Variants in SCYGR1 observed in about 807,000 individuals in gnomAD.
SCYGR1 encodes small cysteine and glycine repeat-containing protein 1.
chr2:227,387,817 G>A lies in SCYGR1; in HGVS notation c.133C>T (p.Arg45Cys), dbSNP rs543057195. The change falls in exon 1 of 1, where the codon CGT becomes TGT. Residue 45 changes from arginine to cysteine, a missense_variant. Transcript: ENST00000641359. ...CTGCAGCAGCCTCCACAGCAGCCACGGCAGCAGGGGCAGCAGCTGGAGCAG... is the reference window on the plus strand; with the variant it reads ...CTGCAGCAGCCTCCACAGCAGCCACAGCAGCAGGGGCAGCAGCTGGAGCAG... 34 of 399,240 alleles carry A rather than the reference G, an allele frequency of 8.5e-5. No individual in the cohort carries two copies. In the East Asian group the frequency reaches 9.3e-4, roughly 11 times the overall value. The allele number at this position is 399,240 out of a possible 1,614,324, so 24.7% of individuals were successfully genotyped here. A position where few individuals can be genotyped will look rare whatever the true frequency, so the allele number is the denominator to read the frequency against.
rs1422208669 is a variant in SCYGR1, at chr2:227,387,914, A to ACCG, written c.35_36insCGG (p.Gly14dup). The stretch of plus-strand genomic sequence containing the variant: ...CACCACAGCCACCACCGCAGCCACC[A>ACCG]CAGCCACCACAACCTCCACAACCAC... On this transcript the variant is annotated inframe_insertion, in exon 1 of 1. Transcript: ENST00000641359. 444 of 323,598 alleles carry ACCG rather than the reference A, an allele frequency of 1.4e-3. 2 individuals carry two copies. The highest frequency in any genetic ancestry group is 0.012 in the African/African-American group (375 of 31,534). The allele number at this position is 323,598 out of a possible 1,614,324, so 20.0% of individuals were successfully genotyped here. A position where few individuals can be genotyped will look rare whatever the true frequency, so the allele number is the denominator to read the frequency against.
At chr2:227,387,870 G>A (rs2076508966) in exon 1 of SCYGR1, 2 of 376,220 alleles carry the variant, frequency 5.3e-6, no homozygotes, top group African/African-American at 2.1e-5. Flanking sequence ...CCTGCAGGTG[G>A]TGCATCTGCC....
exon 1 of SCYGR1, chr2:227,387,853 G>A (rs900739214): frequency 2.0e-5 from 8 of 396,078 alleles, no homozygotes; most frequent in Admixed American, 9.1e-5. Flanking sequence ...CAGCCCACCC[G>A]GTAGCACCTG....
exon 1 of SCYGR1, chr2:227,387,930 C>T (rs1054739145): frequency 2.5e-6 from 1 of 402,468 alleles, no homozygotes. Flanking sequence ...ACCACAACCT[C>T]CACAACCACA....
chr2:227,387,949 T>C (rs1159430421), exon 1 of SCYGR1: 1 of 399,658 alleles, frequency 2.5e-6, no homozygotes, highest in Non-Finnish European at 4.4e-6. Flanking sequence ...CAGCAACCCA[T>C]GGTGTCAGTA....
exon 1 of SCYGR1, chr2:227,387,870 G>T: frequency 2.7e-6 from 1 of 376,220 alleles, no homozygotes; most frequent in Non-Finnish European, 4.7e-6. Flanking sequence ...CCTGCAGGTG[G>T]TGCATCTGCC....
exon 1 of SCYGR1, chr2:227,387,874 A>G: frequency 2.5e-6 from 1 of 401,932 alleles, no homozygotes; most frequent in Non-Finnish European, 4.4e-6. Context: ...CAGGTGGTGC[A>G]TCTGCCACAG....
exon 1 of SCYGR1, chr2:227,387,796 A>G (rs977148241): frequency 2.0e-5 from 8 of 399,140 alleles, no homozygotes; most frequent in Admixed American, 1.3e-4. Flanking sequence ...GGAGTGCTGC[A>G]GCAGCCTCCA....
At chr2:227,387,893 A>ACAGCCACCACCG (rs1330425723) in exon 1 of SCYGR1, 5 of 382,542 alleles carry the variant, frequency 1.3e-5, no homozygotes, top group East Asian at 1.1e-4. Flanking sequence ...AGCCACCACC[A>ACAGCCACCACCG]CAGCCACCAC....
exon 1 of SCYGR1, chr2:227,387,819 C>A: frequency 2.5e-6 from 1 of 399,762 alleles, no homozygotes. Flanking sequence ...GCAGCCACGG[C>A]AGCAGGGGCA....
In SCYGR1 at chr2:227,387,696, T is replaced by G. The variant is rs116031815; in HGVS notation, c.254A>C (p.Gln85Pro). Reference sequence around the variant, plus strand: ...CTGGGGTCCCTCCTAGCAACAGCATTGCTTCTGGCAGCAGCACTTCTGCTG... The same window carrying G: ...CTGGGGTCCCTCCTAGCAACAGCATGGCTTCTGGCAGCAGCACTTCTGCTG... Residue 85 changes from glutamine (Q) to proline (P), a missense_variant, in exon 1 of 1, where the codon CAA becomes CCA. Transcript: ENST00000641359. 2.0e-3 allele frequency: 812 copies of G among 398,962 alleles called. 8 individuals carry two copies. Among genetic ancestry groups the G allele is most frequent in the African/African-American group, 0.015 (727 of 48,774 alleles). 24.7% of individuals were successfully genotyped at this position (398,962 alleles called of 1,614,324 possible).
chr2:227,387,702 T>G, exon 1 of SCYGR1: 1 of 398,974 alleles, frequency 2.5e-6, no homozygotes, highest in Non-Finnish European at 4.4e-6. Flanking sequence ...GCATTGCTTC[T>G]GGCAGCAGCA....
chr2:227,387,756 C>G (rs1287007573), exon 1 of SCYGR1: 1 of 398,972 alleles, frequency 2.5e-6, no homozygotes, highest in Non-Finnish European at 4.4e-6. Context: ...GCCACACGAG[C>G]TGCAGGTGCG....
exon 1 of SCYGR1, chr2:227,387,762 G>C: frequency 5.0e-6 from 2 of 398,992 alleles, no homozygotes; most frequent in Non-Finnish European, 8.8e-6. Flanking sequence ...CGAGCTGCAG[G>C]TGCGGCGGCA....
At chr2:227,387,852 C>T (rs554671761) in exon 1 of SCYGR1, 17 of 400,584 alleles carry the variant, frequency 4.2e-5, no homozygotes, top group Admixed American at 3.5e-4. Flanking sequence ...GCAGCCCACC[C>T]GGTAGCACCT....
exon 1 of SCYGR1, chr2:227,387,914 A>ACTG (rs1422208669): frequency 1.9e-4 from 62 of 323,608 alleles, no homozygotes; most frequent in African/African-American, 1.7e-3. Context: ...CGCAGCCACC[A>ACTG]CAGCCACCAC....
the SCYGR1 span, chr2:227,387,776 G>T: frequency 2.5e-6 from 1 of 399,012 alleles, no homozygotes; most frequent in Non-Finnish European, 4.4e-6. Context: ...GGCGGCAGCA[G>T]CAGATCACGG....
At chr2:227,387,852 C>CG in the SCYGR1 span, 1 of 400,584 alleles carries the variant, frequency 2.5e-6, no homozygotes, top group Non-Finnish European at 4.4e-6. Flanking sequence ...GCAGCCCACC[C>CG]GGTAGCACCT....
exon 1 of SCYGR1, chr2:227,387,919 C>T: frequency 2.5e-6 from 1 of 402,642 alleles, no homozygotes; most frequent in Non-Finnish European, 4.4e-6. Context: ...CCACCACAGC[C>T]ACCACAACCT....
Sources: gnomAD v4.1 joint callset for allele counts on GRCh38, gnomAD v4.1.1 for gene constraint, MANE v1.5 for transcripts, NCBI Gene and HGNC (gene_info 2026-07-23, HGNC 2026-07-21) for gene names.